The following FAT3 variants were observed in gnomAD, a reference collection of about 807,000 sequenced individuals.
The protein encoded by FAT3 is protocadherin Fat 3.
Under a neutral mutation model 310.2 loss-of-function variants are expected in FAT3, and 95 were observed. The observed-to-expected ratio is 0.31, with a 90% CI of 0.26 to 0.36. FAT3 has a LOEUF of 0.36. Among genes scored for constraint, FAT3 ranks in the 10% least tolerant of loss-of-function variants. The pLI is 1.00. For synonymous variants in FAT3, 2,314 were observed against 2,192.9 expected (o/e 1.06, Z -1.54); for missense variants, 5,408 against 5,715.6 (o/e 0.95, Z 1.74).
intron 2 of FAT3, among the ~76,000 whole-genome samples, chr11:92,425,598 A>T (rs1052324020): frequency 6.6e-6 from 1 of 151,422 alleles, no homozygotes; most frequent in African/African-American, 2.4e-5. Flanking sequence ...AGATGTTCTC[A>T]TTGTTCAACT....
intron 22 of FAT3, 64 bp from the exon 23 acceptor site, chr11:92,880,667 C>A (rs1949652932): frequency 1.3e-6 from 2 of 1,538,892 alleles, no homozygotes; most frequent in Non-Finnish European, 8.8e-7. Flanking sequence ...CATGTTATAG[C>A]TGAGTCCAAG....
intron 2 of FAT3, among the ~76,000 whole-genome samples, chr11:92,398,580 T>C (rs1429513940): frequency 6.6e-6 from 1 of 152,072 alleles, no homozygotes; most frequent in African/African-American, 2.4e-5. Flanking sequence ...CTATTAATTT[T>C]ATTTTTAACT....
chr11:92,701,522 A>G (rs1944096286), intron 4 of FAT3, among the ~76,000 whole-genome samples: 1 of 152,216 alleles, frequency 6.6e-6, no homozygotes. Flanking sequence ...AGTGAATTCT[A>G]AGTGTTAACT....
At chr11:92,240,159 T>G (rs529198377) in intron 1 of FAT3, among the ~76,000 whole-genome samples, 142 of 152,250 alleles carry the variant, frequency 9.3e-4, no homozygotes, top group African/African-American at 3.3e-3. Context: ...AACAACTAAC[T>G]GGATAAGGTG....
rs189368664 is a variant in FAT3, at chr11:92,844,699, C to T, written c.11332C>T (p.Arg3778Cys). 6.3e-5 allele frequency: 99 copies of T among 1,572,322 alleles called. 1 individual carries two copies. The East Asian group carries it at 1.9e-3, about 30-fold the overall frequency. ...STARISFVCP[R>C]FYRNVRCTCN... ...GGCTCGCATCAGCTTTGTGTGTCCG[C>T]GTTTCTACAGGAACGTGCGTTGCAC... Residue 3778 changes from arginine to cysteine, a missense_variant, in exon 19 of 28, where the codon CGT becomes TGT. By Grantham distance (180) the Arg-to-Cys change is radical. Transcript: ENST00000525166.
intron 13 of FAT3, among the ~76,000 whole-genome samples, chr11:92,826,490 G>A (rs1948109189): frequency 6.6e-6 from 1 of 152,146 alleles, no homozygotes; most frequent in Non-Finnish European, 1.5e-5. Context: ...AACCTAAACA[G>A]GGATTGAAAT....
intron 3 of FAT3, among the ~76,000 whole-genome samples, chr11:92,646,952 C>T (rs1335603930): frequency 1.3e-5 from 2 of 151,998 alleles, no homozygotes; most frequent in Non-Finnish European, 2.9e-5. Context: ...TTACAGAATC[C>T]CTTGTGAGAA....
intron 2 of FAT3, among the ~76,000 whole-genome samples, chr11:92,448,966 T>A (rs1951286213): frequency 6.6e-6 from 1 of 152,148 alleles, no homozygotes; most frequent in African/African-American, 2.4e-5. Context: ...TGTCTCCAGT[T>A]GAGATGTGTG....
At chr11:92,664,148 A>G (rs1406891644) in intron 3 of FAT3, among the ~76,000 whole-genome samples, 1 of 151,562 alleles carries the variant, frequency 6.6e-6, no homozygotes, top group Non-Finnish European at 1.5e-5. Context: ...TACTTGGCAA[A>G]CTCCTACTCA....
chr11:92,815,203 A>C lies in FAT3; in HGVS notation c.9481+5127A>C, dbSNP rs1947791365. On this transcript the variant is annotated intron_variant, in intron 13 of 27. Transcript: ENST00000525166. ...TGAATTGGAACAAGGAAAACCAGGG[A>C]CTAGGAAAGCTCCTAGGAGTGTATT... Among the ~76,000 whole-genome samples the C allele has an allele frequency of 4.6e-5, 7 of 152,162 alleles. No individual in the cohort carries two copies. In the South Asian group the frequency reaches 1.5e-3, roughly 32 times the overall value.
intron 4 of FAT3, among the ~76,000 whole-genome samples, chr11:92,733,085 G>A (rs1274490277): frequency 1.3e-5 from 2 of 152,210 alleles, no homozygotes; most frequent in East Asian, 3.9e-4. Flanking sequence ...GGGAAGATGT[G>A]GAGTAGGGGA....
At chr11:92,607,659 T>C (rs1565453113) in intron 3 of FAT3, among the ~76,000 whole-genome samples, 1 of 152,218 alleles carries the variant, frequency 6.6e-6, no homozygotes, top group African/African-American at 2.4e-5. Flanking sequence ...ATTCAAATGC[T>C]GAGCATCCTT....
In FAT3 at chr11:92,646,705, A is replaced by G. The variant is rs1591559179; in HGVS notation, c.3608-50679A>G. ...TTTTGGGCTGAGCCTGGAAGAATAGATAAGGTTCAAATCATGAAGGTACTG... is the reference window on the plus strand; with the variant it reads ...TTTTGGGCTGAGCCTGGAAGAATAGGTAAGGTTCAAATCATGAAGGTACTG... On this transcript the variant is annotated intron_variant, in intron 3 of 27. Coordinates refer to ENST00000525166, the MANE Select transcript of FAT3 (RefSeq NM_001367949.2). Among the ~76,000 whole-genome samples, 6 of 152,314 alleles carry G rather than the reference A, an allele frequency of 3.9e-5. No homozygotes were observed. The East Asian group carries it at 1.2e-3, about 29-fold the overall frequency.
At chr11:92,784,235 T>A (rs867338298) in intron 7 of FAT3, among the ~76,000 whole-genome samples, 2 of 152,242 alleles carry the variant, frequency 1.3e-5, no homozygotes, top group South Asian at 4.1e-4. Flanking sequence ...ATTTATAAAC[T>A]GTAAAACAAG....
intron 3 of FAT3, among the ~76,000 whole-genome samples, chr11:92,616,423 CTT>C (rs1471459283): frequency 1.3e-5 from 2 of 152,024 alleles, no homozygotes; most frequent in Non-Finnish European, 2.9e-5. Context: ...GGTCTTGACT[CTT>C]TATCCAATTT....
rs370658531 is a variant in FAT3, at chr11:92,418,428, A to ACCCC, written c.3292+63028_3292+63031dup. On this transcript the variant is annotated intron_variant, in intron 2 of 27. Coordinates refer to ENST00000525166, the MANE Select transcript of FAT3 (RefSeq NM_001367949.2). ...AGTGCAAAAGTTAAACACCCCCCCCACCCCCCCACACACACACAGAGAAAA... is the reference window on the plus strand; with the variant it reads ...AGTGCAAAAGTTAAACACCCCCCCCACCCCCCCCCCCACACACACACAGAGAAAA... Among the ~76,000 whole-genome samples, 229 of 62,340 alleles carry ACCCC rather than the reference A, an allele frequency of 3.7e-3. 5 individuals are homozygous for ACCCC. Among genetic ancestry groups the ACCCC allele is most frequent in the Middle Eastern group, 9.4e-3 (1 of 106 alleles). 40.9% of individuals were successfully genotyped at this position (62,340 alleles called of 152,430 possible).
chr11:92,806,033 C>T (rs755444377), intron 11 of FAT3, among the ~76,000 whole-genome samples: 1 of 152,146 alleles, frequency 6.6e-6, no homozygotes, highest in Non-Finnish European at 1.5e-5. Context: ...GAAAAACAGA[C>T]AGCCATGGTC....
intron 2 of FAT3, among the ~76,000 whole-genome samples, chr11:92,487,870 A>C (rs901866946): frequency 6.6e-6 from 1 of 152,186 alleles, no homozygotes; most frequent in African/African-American, 2.4e-5. Flanking sequence ...AAGACTTGCC[A>C]AACACAGGGT....
At chr11:92,783,628 G>A (rs1296044189) in intron 7 of FAT3, among the ~76,000 whole-genome samples, 7 of 151,790 alleles carry the variant, frequency 4.6e-5, no homozygotes, top group African/African-American at 1.7e-4. Context: ...GTAACATAGC[G>A]AGGACTCATC....
Sources: gnomAD v4.1 joint callset for allele counts (sites outside exome capture counted in the v4.1 genomes callset) on GRCh38, gnomAD v4.1.1 for gene constraint, MANE v1.5 for transcripts, NCBI Gene and HGNC (gene_info 2026-07-23, HGNC 2026-07-21) for gene names.